The following TSC22D1 variants were observed in gnomAD, a reference collection of about 807,000 sequenced individuals.
TSC22D1 encodes the protein TSC22 domain family member 1.
Under a neutral mutation model 74.2 loss-of-function variants are expected in TSC22D1, and 9 were observed. The ratio of observed to expected loss-of-function variants is 0.12; its 90% confidence interval spans 0.07 to 0.21. The LOEUF (loss-of-function observed/expected upper bound fraction) is 0.21, where lower values mean the gene tolerates loss of function less well. Ranked by LOEUF, TSC22D1 falls within the 10% of genes least tolerant of loss-of-function variation. The pLI, the probability that TSC22D1 is intolerant of heterozygous loss-of-function variation, is 1.00. For synonymous variants in TSC22D1, 586 were observed against 492.5 expected, an observed-to-expected ratio of 1.19 and a Z score of -2.51; for missense variants, 1,427 against 1,304.7, an observed-to-expected ratio of 1.09 and a Z score of -1.44.
chr13:44,526,461 C>T lies in TSC22D1; in HGVS notation c.2912+46702G>A, dbSNP rs533369254. Reference sequence around the variant, plus strand: ...CTCAAAGATACGTCAATAAAAACTTCCAAAACTGAAAAGCAAAGAAAAAAA... The same window carrying T: ...CTCAAAGATACGTCAATAAAAACTTTCAAAACTGAAAAGCAAAGAAAAAAA... On this transcript the variant is annotated intron_variant, in intron 1 of 2. Coordinates refer to ENST00000458659, the MANE Select transcript of TSC22D1 (RefSeq NM_183422.4). Among the ~76,000 whole-genome samples the T allele has an allele frequency of 3.4e-4, 52 of 151,698 alleles. 1 individual carries two copies. The Middle Eastern group carries it at 0.014, about 40-fold the overall frequency.
intron 1 of TSC22D1, chr13:44,539,448 A>G (rs1267025453): frequency 2.3e-5 from 23 of 985,278 alleles, no homozygotes; most frequent in Non-Finnish European, 2.7e-5. Flanking sequence ...CTTGAATATA[A>G]AAGAGCACTT....
chr13:44,480,163 A>T (rs1292921528), intron 1 of TSC22D1, among the ~76,000 whole-genome samples: 1 of 152,230 alleles, frequency 6.6e-6, no homozygotes, highest in Non-Finnish European at 1.5e-5. Context: ...CAGCACCTGA[A>T]AAAACTTTCC....
chr13:44,479,885 T>C (rs746094064), intron 1 of TSC22D1, among the ~76,000 whole-genome samples: 15 of 152,356 alleles, frequency 9.8e-5, no homozygotes, highest in Middle Eastern at 3.4e-3. Context: ...ATTATTTATT[T>C]AGGACTAAAA....
At chr13:44,536,867 T>A (rs1171777980) in intron 1 of TSC22D1, 1 of 969,664 alleles carries the variant, frequency 1.0e-6, no homozygotes, top group Admixed American at 7.5e-5. Context: ...ACCTATTTCA[T>A]ACATTCACTG....
At chr13:44,442,866 G>A (rs1156836836) in intron 1 of TSC22D1, among the ~76,000 whole-genome samples, 1 of 138,022 alleles carries the variant, frequency 7.2e-6, no homozygotes, top group African/African-American at 2.8e-5. Flanking sequence ...CCGAGATTGC[G>A]CCACTGCACT....
chr13:44,547,899 C>T (rs1490242736), intron 1 of TSC22D1, among the ~76,000 whole-genome samples: 3 of 152,182 alleles, frequency 2.0e-5, no homozygotes, highest in Non-Finnish European at 4.4e-5. Flanking sequence ...AAGCAATCCT[C>T]CTGTCTCAGC....
chr13:44,568,002 T>A (rs558596716), intron 1 of TSC22D1, among the ~76,000 whole-genome samples: 2 of 152,208 alleles, frequency 1.3e-5, no homozygotes, highest in South Asian at 2.1e-4. Context: ...AAAAACAAAA[T>A]ACACAGGTCA....
intron 1 of TSC22D1, among the ~76,000 whole-genome samples, chr13:44,521,751 G>C (rs960826832): frequency 1.3e-5 from 2 of 150,004 alleles, no homozygotes; most frequent in Non-Finnish European, 1.5e-5. Context: ...TCACACACTT[G>C]AGGAAGAATC....
At chr13:44,509,217 A>G (rs576232958) in intron 1 of TSC22D1, among the ~76,000 whole-genome samples, 17 of 152,316 alleles carry the variant, frequency 1.1e-4, no homozygotes, top group African/African-American at 4.1e-4. Context: ...TGCTACAGTC[A>G]ATACCAGTGA....
At chr13:44,442,731 A>C (rs1303299375) in intron 1 of TSC22D1, among the ~76,000 whole-genome samples, 1 of 152,100 alleles carries the variant, frequency 6.6e-6, no homozygotes, top group Non-Finnish European at 1.5e-5. Flanking sequence ...AGCCTGGCCA[A>C]TATGGTGAAA....
In TSC22D1 at chr13:44,433,757, T is replaced by G. The variant is rs1874256864; in HGVS notation, c.*869A>C. 1.9e-6 allele frequency: 1 copy of G among 516,040 alleles called. No individual in the cohort carries two copies. The highest frequency in any genetic ancestry group is 3.3e-6 in the Non-Finnish European group (1 of 299,246). The allele number at this position is 516,040 out of a possible 1,614,324, so 32.0% of individuals were successfully genotyped here. On this transcript the variant is annotated 3_prime_UTR_variant, in exon 3 of 3. Coordinates refer to ENST00000458659, the MANE Select transcript of TSC22D1 (RefSeq NM_183422.4). ...GTGAACAAGGATTTACTTCAGCGTA[T>G]TCAGCAGCTAGATTTCAGATTACAC...
In TSC22D1 at chr13:44,573,508, T is replaced by C; in HGVS notation, c.2567A>G (p.Asn856Ser). The C allele has an allele frequency of 1.2e-6, 2 of 1,614,212 alleles. No individual in the cohort carries two copies. The highest frequency in any genetic ancestry group is 1.1e-5 in the South Asian group (1 of 91,086). The change falls in exon 1 of 3, where the codon AAT becomes AGT. Residue 856 changes from asparagine (N) to serine (S), a missense_variant. Around this residue, in one of 3 missense-constraint regions of TSC22D1, gnomAD observed 1,343 missense variants for 1,191.5 expected, o/e 1.13. Coordinates refer to ENST00000458659, the MANE Select transcript of TSC22D1 (RefSeq NM_183422.4). ...SAPTNLVPPQ[N>S]IAQTPATQNG... ...TTGGGTAGCAGGGGTTTGTGCTATA[T>C]TTTGTGGTGGAACCAAGTTTGTTGG...
At chr13:44,472,117 C>T (rs375576636) in intron 1 of TSC22D1, among the ~76,000 whole-genome samples, 4 of 152,168 alleles carry the variant, frequency 2.6e-5, no homozygotes, top group Non-Finnish European at 4.4e-5. Context: ...TAATCTCTTA[C>T]TGTGCCTAAT....
chr13:44,448,116 A>G (rs1296108684), intron 1 of TSC22D1, among the ~76,000 whole-genome samples: 2 of 152,240 alleles, frequency 1.3e-5, no homozygotes, highest in East Asian at 3.9e-4. Flanking sequence ...ATTCTATATA[A>G]AACATCTGAA....
chr13:44,552,660 C>T (rs1276788128), intron 1 of TSC22D1, among the ~76,000 whole-genome samples: 1 of 152,188 alleles, frequency 6.6e-6, no homozygotes, highest in Non-Finnish European at 1.5e-5. Context: ...AATAATTATA[C>T]TTTTATTTCT....
In TSC22D1 at chr13:44,576,298, G is replaced by A. The variant is rs1195117460; in HGVS notation, c.-224C>T. 5.1e-6 allele frequency: 3 copies of A among 592,784 alleles called. No homozygotes were observed. Among genetic ancestry groups the A allele is most frequent in the South Asian group, 2.3e-5 (1 of 43,174 alleles). The allele number at this position is 592,784 out of a possible 1,614,324, so 36.7% of individuals were successfully genotyped here. On this transcript the variant is annotated 5_prime_UTR_variant, in exon 1 of 3. Transcript: ENST00000458659. ...GAACAGGGCGGCCGGGGACCCGAAGGGGGGATCCCTTCAGTCCTTCGCCAT... is the reference window on the plus strand; with the variant it reads ...GAACAGGGCGGCCGGGGACCCGAAGAGGGGATCCCTTCAGTCCTTCGCCAT...
intron 1 of TSC22D1, among the ~76,000 whole-genome samples, chr13:44,519,876 T>C (rs9533889): frequency 0.1 from 15,681 of 152,102 alleles, 873 homozygotes; most frequent in Non-Finnish European, 0.12. Context: ...CAGGACTAGA[T>C]GATGGATTAT....
chr13:44,475,617 GA>G (rs1877866588), intron 1 of TSC22D1, among the ~76,000 whole-genome samples: 1 of 151,166 alleles, frequency 6.6e-6, no homozygotes, highest in Non-Finnish European at 1.5e-5. Flanking sequence ...ATTTAATCAA[GA>G]AAAAAAGAGA....
In TSC22D1 at chr13:44,575,449, A is replaced by C; in HGVS notation, c.626T>G (p.Val209Gly). 2.5e-6 allele frequency: 4 copies of C among 1,614,158 alleles called. No homozygotes were observed. Among genetic ancestry groups the C allele is most frequent in the Non-Finnish European group, 3.4e-6 (4 of 1,180,024 alleles). Residue 209 changes from valine to glycine, a missense_variant, in exon 1 of 3, where the codon GTT (valine) becomes GGT (glycine). Physicochemically the swap from Val to Gly is moderately radical, Grantham distance 109. Transcript: ENST00000458659. Reference sequence around the variant, plus strand: ...TGGATGAGCATTCCCATTGATCACAACATTCTGTTGTGGAAGGTGAGGCAA... The same window carrying C: ...TGGATGAGCATTCCCATTGATCACACCATTCTGTTGTGGAAGGTGAGGCAA... ...PHLPHLPQQN[V>G]VINGNAHPHH...
Sources: allele counts gnomAD v4.1 joint callset (sites outside exome capture counted in the v4.1 genomes callset), GRCh38; gene constraint gnomAD v4.1.1; regional missense constraint gnomAD v4.1.1; transcripts MANE v1.5; gene names NCBI Gene and HGNC (gene_info 2026-07-23, HGNC 2026-07-21).